EBF1: variants seen among roughly 807,000 people sequenced by gnomAD.
The protein encoded by EBF1 is EBF transcription factor 1.
Under a neutral mutation model 68.4 loss-of-function variants are expected in EBF1, and 10 were observed. The observed-to-expected ratio is 0.15, with a 90% CI of 0.09 to 0.25. The LOEUF is 0.25. Among genes scored for constraint, EBF1 ranks in the 10% least tolerant of loss-of-function variants. The probability of loss-of-function intolerance (pLI) is 1.00; values close to 1 mark genes in which losing one functional copy is unlikely to be tolerated. For missense variants in EBF1, 509 were observed against 794.4 expected, an observed-to-expected ratio of 0.64 and a Z score of 4.32; for synonymous variants, 298 against 299.8, an observed-to-expected ratio of 0.99 and a Z score of 0.06.
chr5:158,756,895 C>T (rs1214248004), intron 10 of EBF1, among the ~76,000 whole-genome samples: 1 of 151,244 alleles, frequency 6.6e-6, no homozygotes, highest in Non-Finnish European at 1.5e-5. Context: ...ATTCCTGTAG[C>T]CTTGAAGTTG....
intron 6 of EBF1, among the ~76,000 whole-genome samples, chr5:158,918,998 T>A (rs192049837): frequency 1.3e-5 from 2 of 152,352 alleles, no homozygotes; most frequent in African/African-American, 4.8e-5. Flanking sequence ...CCTTCCAATA[T>A]TCCATGGCCT....
Position 159,073,400 on chromosome 5 carries a change from C to T in EBF1, c.550G>A (p.Asp184Asn). 6.2e-7 allele frequency: 1 copy of T among 1,614,074 alleles called. No individual in the cohort carries two copies. The highest frequency in any genetic ancestry group is 8.5e-7 in the Non-Finnish European group (1 of 1,179,938). ...TGAAAGAAGAGTGGTCCCTACCTGTCAATTATCACTGGATCTGAGGGAGTC... is the reference window on the plus strand; with the variant it reads ...TGAAAGAAGAGTGGTCCCTACCTGTTAATTATCACTGGATCTGAGGGAGTC... The part of the protein sequence containing the change: ...NETPSDPVII[D>N]RFFLKFFLKC... Residue 184 changes from aspartate (D) to asparagine (N), a missense_variant, in exon 6 of 16, where the codon GAC becomes AAC. This residue lies in a region of EBF1 where 230 missense variants were observed against 467.7 expected (regional missense o/e 0.49). Transcript: ENST00000313708.
intron 9 of EBF1, among the ~76,000 whole-genome samples, chr5:158,786,509 A>G (rs538909929): frequency 6.6e-6 from 1 of 152,256 alleles, no homozygotes; most frequent in African/African-American, 2.4e-5. Flanking sequence ...CATCCTGACC[A>G]TCTGGGAGCT....
At chr5:158,702,296 G>T (rs1051348414) in intron 15 of EBF1, among the ~76,000 whole-genome samples, 3 of 152,052 alleles carry the variant, frequency 2.0e-5, no homozygotes, top group African/African-American at 7.2e-5. Context: ...GGTGTCTGGA[G>T]CTTGGAATGT....
chr5:158,778,376 G>T (rs1775737854), intron 9 of EBF1, among the ~76,000 whole-genome samples: 1 of 152,130 alleles, frequency 6.6e-6, no homozygotes, highest in South Asian at 2.1e-4. Context: ...CTCTGATGGT[G>T]CTGGATTCTA....
chr5:158,806,876 G>T (rs549939838), intron 8 of EBF1, among the ~76,000 whole-genome samples: 1 of 152,230 alleles, frequency 6.6e-6, no homozygotes, highest in African/African-American at 2.4e-5. Flanking sequence ...ACAGCTGACT[G>T]GATGTTTGAT....
chr5:159,062,626 G>A (rs1437868029), intron 6 of EBF1, among the ~76,000 whole-genome samples: 2 of 152,134 alleles, frequency 1.3e-5, no homozygotes, highest in Non-Finnish European at 2.9e-5. Context: ...TTGCACAGGG[G>A]TCTTTCTAAC....
chr5:158,876,978 A>C (rs1000301756), intron 6 of EBF1, among the ~76,000 whole-genome samples: 1 of 152,208 alleles, frequency 6.6e-6, no homozygotes, highest in Non-Finnish European at 1.5e-5. Context: ...GCTCCAAAAT[A>C]TGCATGACTT....
At chr5:158,843,502 G>C (rs1790756016) in intron 6 of EBF1, among the ~76,000 whole-genome samples, 1 of 152,210 alleles carries the variant, frequency 6.6e-6, no homozygotes, top group African/African-American at 2.4e-5. Flanking sequence ...AAGCTGGCCT[G>C]TCACTTGGCA....
intron 10 of EBF1, among the ~76,000 whole-genome samples, chr5:158,755,286 C>T (rs189429267): frequency 1.4e-3 from 215 of 152,050 alleles, no homozygotes; most frequent in Non-Finnish European, 2.2e-3. Flanking sequence ...CTACCCTGAG[C>T]CCCCTGGCCA....
chr5:159,031,174 A>C (rs527565795), intron 6 of EBF1, among the ~76,000 whole-genome samples: 2 of 148,524 alleles, frequency 1.3e-5, no homozygotes, highest in East Asian at 3.9e-4. Flanking sequence ...ACTTCGTCTC[A>C]AAAAAAAAGA....
chr5:158,969,842 G>GAGA (rs1755032970), intron 6 of EBF1, among the ~76,000 whole-genome samples: 3 of 67,534 alleles, frequency 4.4e-5, no homozygotes, highest in African/African-American at 1.2e-4. Context: ...AAGAAAGAAA[G>GAGA]AGAAAGAAAG....
chr5:158,828,768 A>G (rs1344288414), intron 7 of EBF1, among the ~76,000 whole-genome samples: 1 of 152,232 alleles, frequency 6.6e-6, no homozygotes, highest in Non-Finnish European at 1.5e-5. Flanking sequence ...TCAACTAAAT[A>G]AAAGGCATTG....
At chr5:158,858,905 CAG>C (rs1794525185) in intron 6 of EBF1, among the ~76,000 whole-genome samples, 1 of 152,060 alleles carries the variant, frequency 6.6e-6, no homozygotes, top group Admixed American at 6.6e-5. Context: ...GGGTGAGTGA[CAG>C]GGAGACAGTG....
intron 7 of EBF1, among the ~76,000 whole-genome samples, chr5:158,835,074 ATTAGTGT>A (rs1310014139): frequency 6.6e-6 from 1 of 152,234 alleles, no homozygotes; most frequent in African/African-American, 2.4e-5. Flanking sequence ...CAGCCTCCCA[ATTAGTGT>A]GCTATGAGAA....
chr5:158,788,547 A>G (rs1221021277), intron 9 of EBF1, among the ~76,000 whole-genome samples: 3 of 152,216 alleles, frequency 2.0e-5, no homozygotes, highest in African/African-American at 7.2e-5. Context: ...GAAAAGAGAA[A>G]GCCAGTAAAG....
intron 15 of EBF1, among the ~76,000 whole-genome samples, chr5:158,700,630 C>A (rs1756539072): frequency 6.6e-6 from 1 of 151,370 alleles, no homozygotes; most frequent in African/African-American, 2.4e-5. Flanking sequence ...ACCCCCACCC[C>A]TGGTATTTTA....
At chr5:159,015,670 C>G (rs958887107) in intron 6 of EBF1, among the ~76,000 whole-genome samples, 2 of 152,198 alleles carry the variant, frequency 1.3e-5, no homozygotes, top group South Asian at 4.1e-4. Flanking sequence ...TGGGTTTTCT[C>G]CCCATCCCAC....
At chr5:158,942,160 C>A (rs1186962618) in intron 6 of EBF1, among the ~76,000 whole-genome samples, 1 of 152,122 alleles carries the variant, frequency 6.6e-6, no homozygotes, top group Non-Finnish European at 1.5e-5. Flanking sequence ...AAAATATATA[C>A]ACAGTACTTA....
Sources: gnomAD v4.1 joint callset for allele counts (sites outside exome capture counted in the v4.1 genomes callset) on GRCh38, gnomAD v4.1.1 for gene constraint, gnomAD v4.1.1 regional missense constraint, MANE v1.5 for transcripts, NCBI Gene and HGNC (gene_info 2026-07-23, HGNC 2026-07-21) for gene names.